Variants in SMCO4 observed in about 807,000 individuals in gnomAD.
SMCO4 encodes the protein single-pass membrane and coiled-coil domain-containing protein 4.
SMCO4 carries 4 observed loss-of-function variants against 3.6 expected under a neutral mutation model. The observed-to-expected ratio is 1.11, with a 90% CI of 0.54 to 2.53. The LOEUF is 2.53. Among genes scored for constraint, SMCO4 ranks in the 30% most tolerant of loss-of-function variants. SMCO4 has a pLI of 0.02. For synonymous variants in SMCO4, 36 were observed against 35.3 expected (o/e 1.02, Z -0.07); for missense variants, 70 against 80.8 (o/e 0.87, Z 0.51).
the SMCO4 span, among the ~76,000 whole-genome samples, chr11:93,549,628 T>A: frequency 6.6e-6 from 1 of 151,486 alleles, no homozygotes; most frequent in Non-Finnish European, 1.5e-5. Context: ...TATTTATTTT[T>A]TTTTTTTTTA....
chr11:93,532,856 TAATA>T (rs573310102), intron 1 of SMCO4, among the ~76,000 whole-genome samples: 40,359 of 152,042 alleles, frequency 0.27, 5,638 homozygotes, highest in Middle Eastern at 0.34. Context: ...CCTGGGAACC[TAATA>T]AACATGTCGT....
chr11:93,552,152 CTTTTTTT>C, the SMCO4 span, among the ~76,000 whole-genome samples: 15 of 109,026 alleles, frequency 1.4e-4, no homozygotes, highest in African/African-American at 5.2e-4. Context: ...CTCATCACTA[CTTTTTTT>C]TTTTTTTTTT....
At chr11:93,494,596 A>G (rs1046435457) in intron 2 of SMCO4, among the ~76,000 whole-genome samples, 5 of 152,178 alleles carry the variant, frequency 3.3e-5, no homozygotes, top group Non-Finnish European at 5.9e-5. Flanking sequence ...AATCATCCAG[A>G]AACTCCAGCA....
chr11:93,520,873 G>A (rs1195650550), intron 1 of SMCO4, among the ~76,000 whole-genome samples: 2 of 152,162 alleles, frequency 1.3e-5, no homozygotes, highest in African/African-American at 2.4e-5. Context: ...CAAGGACTTC[G>A]TTCTAAGTGC....
chr11:93,533,120 G>A lies in SMCO4; in HGVS notation c.-154+10156C>T, dbSNP rs117271220. ...CCAGGGAAAGACTGAATTGGATCTT[G>A]CTCATTTATTCGATAAATAATACTG... On this transcript the variant is annotated intron_variant, in intron 1 of 2. Coordinates refer to ENST00000298966, the MANE Select transcript of SMCO4 (RefSeq NM_020179.3). Among the ~76,000 whole-genome samples, 691 of 152,294 alleles carry A rather than the reference G, an allele frequency of 4.5e-3. 1 individual carries two copies. Among genetic ancestry groups the A allele is most frequent in the Middle Eastern group, 0.017 (5 of 294 alleles).
chr11:93,495,707 GT>G (rs1179909828), intron 2 of SMCO4, among the ~76,000 whole-genome samples: 1 of 152,082 alleles, frequency 6.6e-6, no homozygotes, highest in Non-Finnish European at 1.5e-5. Flanking sequence ...GTAGCAAGGA[GT>G]ATTGCAATTT....
At chr11:93,534,060 G>A (rs376076831) in intron 1 of SMCO4, among the ~76,000 whole-genome samples, 55 of 151,418 alleles carry the variant, frequency 3.6e-4, no homozygotes, top group East Asian at 2.0e-3. Context: ...GCGTGGTGGC[G>A]CACACCTGTA....
At chr11:93,549,428 C>A in the SMCO4 span, among the ~76,000 whole-genome samples, 1 of 152,058 alleles carries the variant, frequency 6.6e-6, no homozygotes, top group African/African-American at 2.4e-5. Flanking sequence ...TATGGAAAGA[C>A]TTTTCTAGAA....
intron 1 of SMCO4, among the ~76,000 whole-genome samples, chr11:93,515,041 G>A (rs1002893494): frequency 2.0e-5 from 3 of 152,130 alleles, no homozygotes; most frequent in Admixed American, 2.0e-4. Flanking sequence ...CCCTGGCACA[G>A]AAACACGAAG....
intron 2 of SMCO4, among the ~76,000 whole-genome samples, chr11:93,494,509 G>A (rs1396816290): frequency 6.6e-6 from 1 of 152,126 alleles, no homozygotes; most frequent in African/African-American, 2.4e-5. Context: ...AAACCCGCAG[G>A]AATCCAACCG....
intron 1 of SMCO4, among the ~76,000 whole-genome samples, chr11:93,516,583 A>G (rs1199658255): frequency 6.6e-6 from 1 of 152,186 alleles, no homozygotes; most frequent in East Asian, 1.9e-4. Context: ...TGAGGCCTGG[A>G]GTTCGAGACC....
At chr11:93,526,712 G>T (rs1949111779) in intron 1 of SMCO4, among the ~76,000 whole-genome samples, 1 of 152,058 alleles carries the variant, frequency 6.6e-6, no homozygotes. Context: ...GAGCCCTGTG[G>T]TTTCCTCAGC....
chr11:93,525,232 T>A (rs1163676661), intron 1 of SMCO4, among the ~76,000 whole-genome samples: 1 of 152,240 alleles, frequency 6.6e-6, no homozygotes, highest in Admixed American at 6.5e-5. Flanking sequence ...TCTCAAGCAC[T>A]GCTACTTACA....
At chr11:93,518,675 C>T (rs1427998573) in intron 1 of SMCO4, among the ~76,000 whole-genome samples, 1 of 152,216 alleles carries the variant, frequency 6.6e-6, no homozygotes, top group Admixed American at 6.5e-5. Context: ...GAAATCCAAA[C>T]AGTACACTTC....
At chr11:93,536,913 C>T (rs1453634892) in intron 1 of SMCO4, among the ~76,000 whole-genome samples, 3 of 152,148 alleles carry the variant, frequency 2.0e-5, no homozygotes, top group Non-Finnish European at 4.4e-5. Flanking sequence ...CCAAGACTGA[C>T]AAAGTTCAAG....
At chr11:93,482,999 T>C (rs1370998697) in intron 2 of SMCO4, among the ~76,000 whole-genome samples, 1 of 152,126 alleles carries the variant, frequency 6.6e-6, no homozygotes, top group Non-Finnish European at 1.5e-5. Context: ...AGAAGAGGTC[T>C]CTGTAGGAGC....
At chr11:93,549,707 C>T in the SMCO4 span, among the ~76,000 whole-genome samples, 1 of 152,042 alleles carries the variant, frequency 6.6e-6, no homozygotes, top group Non-Finnish European at 1.5e-5. Context: ...GATCCTTCCA[C>T]CTCAGCCTCC....
intron 1 of SMCO4, among the ~76,000 whole-genome samples, chr11:93,523,531 T>G (rs11020400): frequency 6.6e-6 from 1 of 152,118 alleles, no homozygotes; most frequent in Non-Finnish European, 1.5e-5. Context: ...TGGTGGCACA[T>G]GCCTGTAGTC....
chr11:93,494,254 C>T (rs892067796), intron 2 of SMCO4, among the ~76,000 whole-genome samples: 3 of 152,296 alleles, frequency 2.0e-5, no homozygotes, highest in East Asian at 1.9e-4. Context: ...GGGATATAGA[C>T]GATGCATCTA....
Sources: gnomAD v4.1 joint callset for allele counts (sites outside exome capture counted in the v4.1 genomes callset) on GRCh38, gnomAD v4.1.1 for gene constraint, MANE v1.5 for transcripts, NCBI Gene and HGNC (gene_info 2026-07-23, HGNC 2026-07-21) for gene names.